Variants in DEXI observed in about 807,000 individuals in gnomAD.
DEXI encodes dexamethasone-induced protein.
In DEXI, 2 loss-of-function variants were observed where a neutral mutation model predicts 2.5. The ratio of observed to expected loss-of-function variants is 0.81; its 90% CI spans 0.33 to 2.55. The LOEUF (loss-of-function observed/expected upper bound fraction) is 2.55, where lower values mean the gene tolerates loss of function less well. DEXI is among the 30% of genes most tolerant of loss of function. The probability of loss-of-function intolerance (pLI) is 0.11; values close to 1 mark genes in which losing one functional copy is unlikely to be tolerated. For missense variants in DEXI, 108 were observed against 130.3 expected, an observed-to-expected ratio of 0.83 and a Z score of 0.83; for synonymous variants, 71 against 68.7, an observed-to-expected ratio of 1.03 and a Z score of -0.17.
At chr16:10,930,283 C>T (rs568836487) in intron 1 of DEXI, 5 of 152,280 alleles carry the variant, frequency 3.3e-5, no homozygotes, top group Non-Finnish European at 7.3e-5. Flanking sequence ...GTATGTTAAA[C>T]ATGTGACATG....
Position 10,937,600 on chromosome 16 carries a change from A to G in DEXI, c.*149+3969T>C, listed in dbSNP as rs929007329. 1 of 152,210 alleles carries G rather than the reference A, an allele frequency of 6.6e-6. No individual in the cohort carries two copies. The highest frequency in any genetic ancestry group is 1.5e-5 in the Non-Finnish European group (1 of 68,068). 9.4% of individuals were successfully genotyped at this position (152,210 alleles called of 1,614,324 possible). On this transcript the variant is annotated intron_variant, in intron 1 of 1. Coordinates refer to ENST00000331808, the MANE Select transcript of DEXI (RefSeq NM_014015.4). This position sits in a 1 kb window ranked among gnomAD's most constrained non-coding sequence, Gnocchi z 4.2. ...GGTGGCAACGTTCTCCAGTCTCTGC[A>G]TTTTCAGCTCGCTGTGTGCCAAGAG...
rs1245918271 is a variant in DEXI at position 10,941,241 on chromosome 16, G to A, written c.*149+328C>T. 6.3e-6 allele frequency: 1 copy of A among 157,508 alleles called. No individual in the cohort carries two copies. The highest frequency in any genetic ancestry group is 6.2e-5 in the Admixed American group (1 of 16,204). 9.8% of individuals were successfully genotyped at this position (157,508 alleles called of 1,614,324 possible). A position where few individuals can be genotyped will look rare whatever the true frequency, so the allele number is the denominator to read the frequency against. ...CATCATCAAGCCAGGATGAGGACTGGAGGAGGAGCTGACAGCTCTGCCTCA... is the reference window on the plus strand; with the variant it reads ...CATCATCAAGCCAGGATGAGGACTGAAGGAGGAGCTGACAGCTCTGCCTCA... On this transcript the variant is annotated intron_variant, in intron 1 of 1. Coordinates refer to ENST00000331808, the MANE Select transcript of DEXI (RefSeq NM_014015.4). This position sits in a 1 kb window ranked among gnomAD's most constrained non-coding sequence, Gnocchi z 6.4.
In DEXI at chr16:10,937,445, G is replaced by C. The variant is rs1254098513; in HGVS notation, c.*149+4124C>G. On this transcript the variant is annotated intron_variant, in intron 1 of 1. Transcript: ENST00000331808. The surrounding 1 kb of genome is among the most constrained non-coding windows in gnomAD (Gnocchi z 4.2). Reference sequence around the variant, plus strand: ...GCCACAGATTGGCAAGGAGGGACCAGGTTAGGAAGGAGCAGCTGTGGTTCC... The same window carrying C: ...GCCACAGATTGGCAAGGAGGGACCACGTTAGGAAGGAGCAGCTGTGGTTCC... 6.6e-6 allele frequency: 1 copy of C among 152,444 alleles called. No homozygotes were observed. The highest frequency in any genetic ancestry group is 1.5e-5 in the Non-Finnish European group (1 of 68,222). The allele number at this position is 152,444 out of a possible 1,614,324, so 9.4% of individuals were successfully genotyped here.
At chr16:10,933,711 G>A (rs577077821) in intron 1 of DEXI, 1 of 152,446 alleles carries the variant, frequency 6.6e-6, no homozygotes, top group East Asian at 1.9e-4. Context: ...AAGGCTAGGG[G>A]CCTTCTGAAA....
chr16:10,930,753 C>G (rs2040751024), intron 1 of DEXI: 1 of 152,248 alleles, frequency 6.6e-6, no homozygotes, highest in Admixed American at 6.5e-5. Context: ...CCGCCCCATT[C>G]CCTCCACTCA....
Position 10,941,480 on chromosome 16 carries a change from G to T in DEXI, c.*149+89C>A. 1 of 1,274,550 alleles carries T rather than the reference G, an allele frequency of 7.8e-7. No individual in the cohort carries two copies. Among genetic ancestry groups the T allele is most frequent in the Non-Finnish European group, 1.0e-6 (1 of 984,434 alleles). The allele number at this position is 1,274,550 out of a possible 1,614,324, so 79.0% of individuals were successfully genotyped here. On this transcript the variant is annotated intron_variant, in intron 1 of 1. Coordinates refer to ENST00000331808, the MANE Select transcript of DEXI (RefSeq NM_014015.4). The surrounding 1 kb of genome is among the most constrained non-coding windows in gnomAD (Gnocchi z 6.4). The stretch of plus-strand genomic sequence containing the variant: ...GGAGGTGAACGGAGGAGAAGCCTGA[G>T]GGAGGGGTGTGTATCCGGCCTGGGA...
In DEXI at chr16:10,941,837, C is replaced by G. The variant is rs766820112; in HGVS notation, c.169G>C (p.Val57Leu). The change falls in exon 1 of 2, where the codon GTC becomes CTC. Residue 57 changes from valine (V) to leucine (L), a missense_variant. Transcript: ENST00000331808. The surrounding 1 kb of genome is among the most constrained non-coding windows in gnomAD (Gnocchi z 6.4). Reference sequence around the variant, plus strand: ...TGGTCCATGTCCTCGGGCAGGAAGACGAGGCCCACGTTGAGGACGATGTAC... The same window carrying G: ...TGGTCCATGTCCTCGGGCAGGAAGAGGAGGCCCACGTTGAGGACGATGTAC... Reference protein sequence around the residue: ...MEYIVLNVGLVFLPEDMDQAL... With the variant: ...MEYIVLNVGLLFLPEDMDQAL... 1.2e-6 allele frequency: 2 copies of G among 1,613,248 alleles called. No individual in the cohort carries two copies. Among genetic ancestry groups the G allele is most frequent in the Non-Finnish European group, 1.7e-6 (2 of 1,179,854 alleles).
At chr16:10,936,021 C>T (rs143611830) in intron 1 of DEXI, 48 of 150,212 alleles carry the variant, frequency 3.2e-4, no homozygotes, top group African/African-American at 1.0e-3. Flanking sequence ...GACAGGGTCT[C>T]GCTCAGTCAC....
At position 10,934,055 on chromosome 16, in the gene DEXI, G is replaced by A. The variant is rs1205720410; in HGVS notation, c.*150-4496C>T. On this transcript the variant is annotated intron_variant, in intron 1 of 1. Coordinates refer to ENST00000331808, the MANE Select transcript of DEXI (RefSeq NM_014015.4). The surrounding 1 kb of genome is among the most constrained non-coding windows in gnomAD (Gnocchi z 4.2). ...AATGATGACCACTTTCTCAAACCTG[G>A]CTTCGGATTTGCACGTTGGCTGCCA... 6.6e-6 allele frequency: 1 copy of A among 152,148 alleles called. No individual in the cohort carries two copies. The highest frequency in any genetic ancestry group is 2.4e-5 in the African/African-American group (1 of 41,428). The allele number at this position is 152,148 out of a possible 1,614,324, so 9.4% of individuals were successfully genotyped here. A position where few individuals can be genotyped will look rare whatever the true frequency, so the allele number is the denominator to read the frequency against.
chr16:10,933,165 C>T (rs1362836705), intron 1 of DEXI: 1 of 152,172 alleles, frequency 6.6e-6, no homozygotes, highest in Non-Finnish European at 1.5e-5. Context: ...GAAACTGTAA[C>T]CTTTCATTCC....
At chr16:10,930,062 T>C (rs150947929) in intron 1 of DEXI, 1 of 152,446 alleles carries the variant, frequency 6.6e-6, no homozygotes, top group African/African-American at 2.4e-5. Context: ...TCTCCCAGGA[T>C]GCAGCATCAT....
chr16:10,932,053 T>A (rs931468619), intron 1 of DEXI: 1 of 152,204 alleles, frequency 6.6e-6, no homozygotes, highest in Non-Finnish European at 1.5e-5. Context: ...ACTCAGTCCA[T>A]AGCAGAGAAT....
In DEXI at chr16:10,939,252, G is replaced by T. The variant is rs941363070; in HGVS notation, c.*149+2317C>A. 1 of 152,160 alleles carries T rather than the reference G, an allele frequency of 6.6e-6. No homozygotes were observed. Among genetic ancestry groups the T allele is most frequent in the Non-Finnish European group, 1.5e-5 (1 of 68,078 alleles). The allele number at this position is 152,160 out of a possible 1,614,324, so 9.4% of individuals were successfully genotyped here. ...CTCATCCAAGCCTCTGTCACCTCTG[G>T]CCTGGACAACTAACAGCATCTGAGG... is the stretch of plus-strand genomic sequence containing the variant. On this transcript the variant is annotated intron_variant, in intron 1 of 1. Transcript: ENST00000331808. The surrounding 1 kb of genome is among the most constrained non-coding windows in gnomAD (Gnocchi z 4.9).
At position 10,941,826 on chromosome 16, in the gene DEXI, G is replaced by C. The variant is rs1466089642; in HGVS notation, c.180C>G (p.Pro60=). ...IVLNVGLVFL[P]EDMDQALVDL... ...CCACGAGCGCCTGGTCCATGTCCTC[G>C]GGCAGGAAGACGAGGCCCACGTTGA... is the stretch of plus-strand genomic sequence containing the variant. Residue 60 remains proline, a synonymous_variant, in exon 1 of 2, where the codon CCC becomes CCG. Transcript: ENST00000331808. The surrounding 1 kb of genome is among the most constrained non-coding windows in gnomAD (Gnocchi z 6.4). 12 of 1,613,494 alleles carry C rather than the reference G, an allele frequency of 7.4e-6. No homozygotes were observed. Among genetic ancestry groups the C allele is most frequent in the African/African-American group, 1.3e-5 (1 of 75,054 alleles).
chr16:10,932,255 A>G (rs574792912), intron 1 of DEXI: 1 of 152,370 alleles, frequency 6.6e-6, no homozygotes, highest in African/African-American at 2.4e-5. Flanking sequence ...CAGCCTTGGC[A>G]AACGCTAAAT....
Position 10,934,137 on chromosome 16 carries a change from G to C in DEXI, c.*150-4578C>G, listed in dbSNP as rs951029044. 1 of 152,230 alleles carries C rather than the reference G, an allele frequency of 6.6e-6. No individual in the cohort carries two copies. The highest frequency in any genetic ancestry group is 2.4e-5 in the African/African-American group (1 of 41,446). The allele number at this position is 152,230 out of a possible 1,614,324, so 9.4% of individuals were successfully genotyped here. ...CCTGGTCTACCACGTGCCTCCAGCT[G>C]GTCACGCCCAAGACTCCCTGAGCCC... On this transcript the variant is annotated intron_variant, in intron 1 of 1. Transcript: ENST00000331808. The surrounding 1 kb of genome is among the most constrained non-coding windows in gnomAD (Gnocchi z 4.2).
At position 10,934,943 on chromosome 16, in the gene DEXI, G is replaced by A. The variant is rs1170909708; in HGVS notation, c.*150-5384C>T. ...TTGGTAACCAGTCCTCAGGAGGAAG[G>A]GCACCCAAGGAAAGGGGGAAGGCTT... On this transcript the variant is annotated intron_variant, in intron 1 of 1. Transcript: ENST00000331808. This position sits in a 1 kb window ranked among gnomAD's most constrained non-coding sequence, Gnocchi z 4.2. The A allele has an allele frequency of 6.6e-6, 1 of 152,224 alleles. No homozygotes were observed. The highest frequency in any genetic ancestry group is 1.5e-5 in the Non-Finnish European group (1 of 68,028). 9.4% of individuals were successfully genotyped at this position (152,224 alleles called of 1,614,324 possible). A position where few individuals can be genotyped will look rare whatever the true frequency, so the allele number is the denominator to read the frequency against.
Position 10,942,250 on chromosome 16 carries a change from C to G in DEXI, c.-245G>C, listed in dbSNP as rs1044585158. Reference sequence around the variant, plus strand: ...CCGCCCGGGCGGCGAGGCGGGCCCCCCTGAAGTGGCCCGCGGCTGCCCGGC... The same window carrying G: ...CCGCCCGGGCGGCGAGGCGGGCCCCGCTGAAGTGGCCCGCGGCTGCCCGGC... On this transcript the variant is annotated 5_prime_UTR_variant, in exon 1 of 2. Coordinates refer to ENST00000331808, the MANE Select transcript of DEXI (RefSeq NM_014015.4). The surrounding 1 kb of genome is among the most constrained non-coding windows in gnomAD (Gnocchi z 5.0). The G allele has an allele frequency of 5.5e-6, 2 of 363,450 alleles. No individual in the cohort carries two copies. The highest frequency in any genetic ancestry group is 9.9e-6 in the Non-Finnish European group (2 of 201,716). 22.5% of individuals were successfully genotyped at this position (363,450 alleles called of 1,614,324 possible).
In DEXI at chr16:10,939,450, C is replaced by T. The variant is rs59076074; in HGVS notation, c.*149+2119G>A. On this transcript the variant is annotated intron_variant, in intron 1 of 1. Transcript: ENST00000331808. The surrounding 1 kb of genome is among the most constrained non-coding windows in gnomAD (Gnocchi z 4.9). ...CCTCCATGGTATGGCTCCCACCCAC[C>T]TCACTGACCTTTCCTGGGGCTGTTC... The T allele has an allele frequency of 6.6e-6, 1 of 152,322 alleles. No homozygotes were observed. Among genetic ancestry groups the T allele is most frequent in the Non-Finnish European group, 1.5e-5 (1 of 68,150 alleles). The allele number at this position is 152,322 out of a possible 1,614,324, so 9.4% of individuals were successfully genotyped here.
Sources: allele counts gnomAD v4.1 joint callset, GRCh38; gene constraint gnomAD v4.1.1; non-coding constraint Gnocchi (gnomAD v3.1); transcripts MANE v1.5; gene names NCBI Gene and HGNC (gene_info 2026-07-23, HGNC 2026-07-21).